The following GPC6 variants were observed in gnomAD, a reference collection of about 807,000 sequenced individuals.
The protein encoded by GPC6 is glypican-6.
A neutral mutation model predicts 55.2 loss-of-function variants in GPC6; 14 were observed. The ratio of observed to expected loss-of-function variants is 0.25; its 90% CI spans 0.17 to 0.40. The LOEUF (loss-of-function observed/expected upper bound fraction) is 0.40. Ranked by LOEUF, GPC6 falls within the 10% of genes least tolerant of loss-of-function variation. The pLI is 1.00. For missense variants in GPC6, 641 were observed against 708.5 expected (o/e 0.90, Z 1.08); for synonymous variants, 278 against 259.6 (o/e 1.07, Z -0.68).
At chr13:94,035,800 G>A (rs1165938317) in intron 4 of GPC6, among the ~76,000 whole-genome samples, 1 of 152,016 alleles carries the variant, frequency 6.6e-6, no homozygotes, top group Non-Finnish European at 1.5e-5. Flanking sequence ...ATATGTGTGT[G>A]TGTGGATATA....
chr13:94,378,508 T>C (rs9589984), intron 6 of GPC6, among the ~76,000 whole-genome samples: 25,001 of 152,136 alleles, frequency 0.16, 2,683 homozygotes, highest in East Asian at 0.31. Flanking sequence ...ATGAGAAGGA[T>C]GCCCTCTCTT....
chr13:93,327,620 A>G (rs1879702121), intron 1 of GPC6, among the ~76,000 whole-genome samples: 1 of 152,200 alleles, frequency 6.6e-6, no homozygotes, highest in Non-Finnish European at 1.5e-5. Flanking sequence ...TTTAGGAAAC[A>G]TCTCACAGTC....
At chr13:93,506,569 T>C (rs1351997480) in intron 1 of GPC6, among the ~76,000 whole-genome samples, 1 of 152,138 alleles carries the variant, frequency 6.6e-6, no homozygotes, top group Non-Finnish European at 1.5e-5. Flanking sequence ...TCTTCCAGGC[T>C]ACCAGTGCAT....
chr13:94,341,533 C>T (rs548441327), intron 6 of GPC6, among the ~76,000 whole-genome samples: 5 of 147,704 alleles, frequency 3.4e-5, no homozygotes, highest in South Asian at 2.1e-4. Context: ...TGCCGTGAGA[C>T]GAGATCACAC....
intron 6 of GPC6, among the ~76,000 whole-genome samples, chr13:94,344,166 G>A (rs1225429394): frequency 2.0e-5 from 3 of 152,050 alleles, no homozygotes; most frequent in East Asian, 1.9e-4. Context: ...GGGCTCAGAG[G>A]CAAAAAGAAA....
intron 1 of GPC6, among the ~76,000 whole-genome samples, chr13:93,244,822 C>T (rs910091406): frequency 6.6e-6 from 1 of 152,178 alleles, no homozygotes; most frequent in Admixed American, 6.5e-5. Context: ...CTCTTGAGTT[C>T]CTCTGTTCCT....
intron 3 of GPC6, among the ~76,000 whole-genome samples, chr13:94,018,706 G>A (rs994283057): frequency 5.3e-5 from 8 of 152,152 alleles, no homozygotes; most frequent in South Asian, 2.1e-4. Flanking sequence ...CCCCCCAGCC[G>A]TGGACTGTGG....
chr13:94,241,511 C>T (rs1594089915), intron 4 of GPC6, among the ~76,000 whole-genome samples: 1 of 152,228 alleles, frequency 6.6e-6, no homozygotes, highest in East Asian at 1.9e-4. Context: ...TTTTCAGATG[C>T]CACATATCTG....
At chr13:94,220,096 A>T (rs894273090) in intron 4 of GPC6, among the ~76,000 whole-genome samples, 16 of 152,280 alleles carry the variant, frequency 1.1e-4, no homozygotes, top group African/African-American at 3.9e-4. Flanking sequence ...TGTACCAATG[A>T]GGCAGAGCCA....
chr13:93,943,555 A>G lies in GPC6; in HGVS notation c.712-84174A>G, dbSNP rs74109139. Among the ~76,000 whole-genome samples, 1,316 of 152,142 alleles carry G rather than the reference A, an allele frequency of 8.6e-3. 19 individuals carry two copies. Among genetic ancestry groups the G allele is most frequent in the African/African-American group, 0.03 (1,249 of 41,512 alleles). ...TCAGCTTTGCCCTCTGCTCAATTGC[A>G]TTTATCTACTGTCTCATGCCTGAAT... On this transcript the variant is annotated intron_variant, in intron 3 of 8. Transcript: ENST00000377047.
intron 1 of GPC6, among the ~76,000 whole-genome samples, chr13:93,472,873 C>T (rs1400155386): frequency 2.0e-5 from 3 of 152,168 alleles, no homozygotes; most frequent in African/African-American, 7.2e-5. Context: ...AGCAACAGAA[C>T]ACCTCAGTCT....
chr13:93,638,633 G>C (rs1489182944), intron 2 of GPC6, among the ~76,000 whole-genome samples: 1 of 151,984 alleles, frequency 6.6e-6, no homozygotes, highest in Non-Finnish European at 1.5e-5. Context: ...CTGTGTCTCA[G>C]ACTAATAGGC....
intron 2 of GPC6, among the ~76,000 whole-genome samples, chr13:93,825,738 C>G (rs1887208499): frequency 6.6e-6 from 1 of 152,118 alleles, no homozygotes; most frequent in African/African-American, 2.4e-5. Flanking sequence ...AGAAAGACTA[C>G]TCCTCATTTC....
intron 3 of GPC6, among the ~76,000 whole-genome samples, chr13:93,924,266 C>T (rs1387523996): frequency 6.6e-6 from 1 of 152,210 alleles, no homozygotes; most frequent in Non-Finnish European, 1.5e-5. Flanking sequence ...AGCTCTGTGG[C>T]TGCTGGTGCC....
intron 4 of GPC6, among the ~76,000 whole-genome samples, chr13:94,131,279 A>G (rs547965545): frequency 2.0e-5 from 3 of 152,202 alleles, no homozygotes; most frequent in African/African-American, 4.8e-5. Context: ...TTATGGCTTT[A>G]TTGTGCATTT....
chr13:93,435,305 G>T (rs544420962), intron 1 of GPC6, among the ~76,000 whole-genome samples: 1 of 151,594 alleles, frequency 6.6e-6, no homozygotes, highest in Non-Finnish European at 1.5e-5. Context: ...ATTTAGTGAC[G>T]GATTTTTGCT....
At chr13:93,703,289 T>C (rs1882735966) in intron 2 of GPC6, among the ~76,000 whole-genome samples, 1 of 151,908 alleles carries the variant, frequency 6.6e-6, no homozygotes. Flanking sequence ...CATCATTTTA[T>C]ATGTACGAGG....
intron 4 of GPC6, among the ~76,000 whole-genome samples, chr13:94,028,804 C>T (rs1459013212): frequency 6.6e-6 from 1 of 152,128 alleles, no homozygotes. Flanking sequence ...CAAGTGGTTG[C>T]ATGGCCCAAA....
rs535780331 is a variant in GPC6, at chr13:94,039,579, A to G, written c.877+11685A>G. Among the ~76,000 whole-genome samples the G allele has an allele frequency of 1.5e-4, 23 of 152,062 alleles. No homozygotes were observed. The South Asian group carries it at 4.4e-3, about 29-fold the overall frequency. On this transcript the variant is annotated intron_variant, in intron 4 of 8. Coordinates refer to ENST00000377047, the MANE Select transcript of GPC6 (RefSeq NM_005708.5). ...GGAATGGCAAATATGGATTTCTTCT[A>G]TCTCTTTAGGTCTTGTTGGATTTGA...
Sources: allele counts gnomAD v4.1 joint callset (sites outside exome capture counted in the v4.1 genomes callset), GRCh38; gene constraint gnomAD v4.1.1; transcripts MANE v1.5; gene names NCBI Gene and HGNC (gene_info 2026-07-23, HGNC 2026-07-21).